The following ZNF880 variants were observed in gnomAD, a reference collection of about 807,000 sequenced individuals.
ZNF880 encodes the protein zinc finger protein 880.
A neutral mutation model predicts 11.8 loss-of-function variants in ZNF880; 12 were observed. The observed-to-expected ratio is 1.02, with a 90% CI of 0.65 to 1.65. The LOEUF is 1.65. ZNF880 is among the 40% of genes most tolerant of loss of function. ZNF880 has a pLI of 0.00. For missense variants in ZNF880, 601 were observed against 673.9 expected, an observed-to-expected ratio of 0.89 and a Z score of 1.20; for synonymous variants, 210 against 232.4, an observed-to-expected ratio of 0.90 and a Z score of 0.88.
In ZNF880 at chr19:52,374,352, C is replaced by T; in HGVS notation, c.193C>T (p.Pro65Ser). ...CTCCATGTTGGAGCAAAGGAGAGAT[C>T]CCCGGAATCTGCAGAGTGAAGTGAA... is the stretch of plus-strand genomic sequence containing the variant. ...VISMLEQRRD[P>S]RNLQSEVKIA... The change falls in exon 3 of 4, where the codon CCC becomes TCC. Residue 65 changes from proline to serine, a missense_variant. Pro to Ser is a moderately conservative substitution (Grantham distance 74, BLOSUM62 -1). Coordinates refer to ENST00000422689, the MANE Select transcript of ZNF880 (RefSeq NM_001145434.2). 1.9e-6 allele frequency: 3 copies of T among 1,613,610 alleles called. No homozygotes were observed. Among genetic ancestry groups the T allele is most frequent in the Non-Finnish European group, 2.5e-6 (3 of 1,179,870 alleles).
rs1226079534 is a variant in ZNF880, at chr19:52,384,453, T to C, written c.873T>C (p.Thr291=). 6.2e-7 allele frequency: 1 copy of C among 1,614,160 alleles called. No individual in the cohort carries two copies. The change falls in exon 4 of 4, where the codon ACT becomes ACC. Residue 291 remains threonine, a synonymous_variant. Transcript: ENST00000422689. ...SHLANHHRIH[T]GEKPYKCNEC... Reference sequence around the variant, plus strand: ...TTGCAAATCATCACAGAATCCACACTGGAGAGAAACCTTACAAATGTAATG... The same window carrying C: ...TTGCAAATCATCACAGAATCCACACCGGAGAGAAACCTTACAAATGTAATG...
At chr19:52,376,602 C>T (rs907672716) in intron 3 of ZNF880, among the ~76,000 whole-genome samples, 10 of 149,256 alleles carry the variant, frequency 6.7e-5, no homozygotes, top group African/African-American at 2.2e-4. Context: ...CTCCACCTCC[C>T]GAGTTCAAGC....
Position 52,384,332 on chromosome 19 carries a change from G to T in ZNF880, c.752G>T (p.Arg251Leu). ...KCHECGKLFN[R>L]ISLLARHQRI... ...CATGAATGTGGCAAGCTCTTCAATC[G>T]AATTTCACTCCTTGCACGACATCAG... is the stretch of plus-strand genomic sequence containing the variant. Residue 251 changes from arginine (R) to leucine (L), a missense_variant, in exon 4 of 4, where the codon CGA becomes CTA. Coordinates refer to ENST00000422689, the MANE Select transcript of ZNF880 (RefSeq NM_001145434.2). 6.7e-7 allele frequency: 1 copy of T among 1,483,306 alleles called. No homozygotes were observed. Among genetic ancestry groups the T allele is most frequent in the Non-Finnish European group, 9.1e-7 (1 of 1,103,774 alleles). The allele number at this position is 1,483,306 out of a possible 1,614,324, so 91.9% of individuals were successfully genotyped here.
intron 3 of ZNF880, among the ~76,000 whole-genome samples, chr19:52,382,199 C>A (rs975668091): frequency 1.3e-5 from 2 of 151,900 alleles, no homozygotes; most frequent in Non-Finnish European, 2.9e-5. Context: ...ATTGTTTGAG[C>A]TTGGGAGGGG....
chr19:52,379,019 C>A (rs1299766609), intron 3 of ZNF880, among the ~76,000 whole-genome samples: 1 of 151,996 alleles, frequency 6.6e-6, no homozygotes, highest in Non-Finnish European at 1.5e-5. Context: ...AGGCAGCAGC[C>A]AGCCATGATG....
downstream of ZNF880, among the ~76,000 whole-genome samples, chr19:52,386,908 A>G (rs1986901719): frequency 6.9e-6 from 1 of 143,978 alleles, no homozygotes. Flanking sequence ...TAGCATTTAC[A>G]TTTAACTGTT....
intron 2 of ZNF880, among the ~76,000 whole-genome samples, chr19:52,374,040 C>G (rs1986477748): frequency 6.6e-6 from 1 of 151,534 alleles, no homozygotes; most frequent in Non-Finnish European, 1.5e-5. Flanking sequence ...TTGGAGATGC[C>G]ACAGTACACA....
chr19:52,369,843 G>A (rs1454002182), upstream of ZNF880: 1 of 1,289,456 alleles, frequency 7.8e-7, no homozygotes, highest in African/African-American at 1.5e-5. Flanking sequence ...GAGACGAGCT[G>A]GGAGCGAGGC....
upstream of ZNF880, among the ~76,000 whole-genome samples, chr19:52,369,200 A>G (rs1024641186): frequency 2.0e-5 from 3 of 151,656 alleles, no homozygotes; most frequent in Non-Finnish European, 4.4e-5. Flanking sequence ...GTCTCTATTA[A>G]AAGTACAAAA....
At chr19:52,393,100 T>C in the ZNF880 span, among the ~76,000 whole-genome samples, 1 of 149,300 alleles carries the variant, frequency 6.7e-6, no homozygotes, top group South Asian at 2.1e-4. Context: ...TGAGACAGAG[T>C]CTCACTCTGT....
intron 3 of ZNF880, among the ~76,000 whole-genome samples, chr19:52,376,280 C>T (rs1250042657): frequency 6.6e-6 from 1 of 152,066 alleles, no homozygotes; most frequent in East Asian, 1.9e-4. Context: ...CCATTCCCAC[C>T]AGCAGTGTAA....
At chr19:52,393,646 A>G in the ZNF880 span, among the ~76,000 whole-genome samples, 1 of 152,130 alleles carries the variant, frequency 6.6e-6, no homozygotes, top group Non-Finnish European at 1.5e-5. Context: ...AGAATGCCTT[A>G]ATTAGGAAAG....
downstream of ZNF880, among the ~76,000 whole-genome samples, chr19:52,386,395 T>G (rs1051958136): frequency 4.2e-5 from 6 of 143,390 alleles, no homozygotes; most frequent in Non-Finnish European, 7.6e-5. Flanking sequence ...GCACAGTGCT[T>G]CTGTGCTCTA....
At chr19:52,369,844 G>C, upstream of ZNF880, 2 of 1,294,952 alleles carry the variant, frequency 1.5e-6, no homozygotes, top group South Asian at 1.3e-5. Flanking sequence ...AGACGAGCTG[G>C]GAGCGAGGCG....
intron 3 of ZNF880, among the ~76,000 whole-genome samples, chr19:52,382,596 C>T (rs1312194515): frequency 1.3e-5 from 2 of 152,102 alleles, no homozygotes; most frequent in South Asian, 2.1e-4. Flanking sequence ...GTATTTTCAA[C>T]ATTTCCTCTC....
intron 1 of ZNF880, 135 bp from the exon 2 acceptor site, chr19:52,372,976 T>A (rs1600246356): frequency 3.0e-6 from 2 of 668,982 alleles, no homozygotes; most frequent in East Asian, 3.4e-5. Context: ...TAAAACACAA[T>A]TAGAAACATA....
chr19:52,381,751 T>A (rs974159983), intron 3 of ZNF880, among the ~76,000 whole-genome samples: 1 of 152,158 alleles, frequency 6.6e-6, no homozygotes, highest in Non-Finnish European at 1.5e-5. Flanking sequence ...TCGGATAGAT[T>A]TTCTCTTTGT....
rs34470614 is a variant in ZNF880 at position 52,383,892 on chromosome 19, TA to T, written c.317del (p.Asn106IlefsTer5). Reference sequence around the variant, plus strand: ...GAAGCAATGCCGGAAACAAGTCTCTTAAAAATCAACTTGGATTAACCTTTCA... The same window carrying T: ...GAAGCAATGCCGGAAACAAGTCTCTTAAAATCAACTTGGATTAACCTTTCA... ...LGSNAGNKSL[K>X]NQLGLTFQLH... On this transcript the variant is annotated frameshift_variant, in exon 4 of 4. Transcript: ENST00000422689. LOFTEE classifies it low-confidence loss of function (END_TRUNC). 0.38 allele frequency: 590,950 copies of T among 1,555,068 alleles called. 114,762 individuals are homozygous for T. Among genetic ancestry groups the T allele is most frequent in the South Asian group, 0.52 (42,569 of 82,088 alleles).
At chr19:52,380,494 CAAT>C (rs1271097981) in intron 3 of ZNF880, among the ~76,000 whole-genome samples, 2 of 149,210 alleles carry the variant, frequency 1.3e-5, no homozygotes, top group South Asian at 2.2e-4. Flanking sequence ...TACTTTTATT[CAAT>C]AATAATATTA....
Sources: allele counts gnomAD v4.1 joint callset (sites outside exome capture counted in the v4.1 genomes callset), GRCh38; gene constraint gnomAD v4.1.1; transcripts MANE v1.5; gene names NCBI Gene and HGNC (gene_info 2026-07-23, HGNC 2026-07-21).